Variants in RAB31 observed in about 807,000 individuals in gnomAD.
RAB31 encodes the protein RAB31, member RAS oncogene family, also known as ras-related protein Rab-31.
A neutral mutation model predicts 25.6 loss-of-function variants in RAB31; 21 were observed. That is an observed-to-expected ratio of 0.82 (90% CI 0.58 to 1.18). The LOEUF is 1.18. Among genes scored for constraint, RAB31 ranks in the 50% most tolerant of loss-of-function variants. RAB31 has a pLI of 0.00. For synonymous variants in RAB31, 87 were observed against 84.0 expected, an observed-to-expected ratio of 1.04 and a Z score of -0.20; for missense variants, 196 against 250.1, an observed-to-expected ratio of 0.78 and a Z score of 1.46.
At chr18:9,814,850 T>G (rs1222461272) in intron 4 of RAB31, 4 of 283,086 alleles carry the variant, frequency 1.4e-5, no homozygotes, top group Non-Finnish European at 2.7e-5. Context: ...GCTATCATTT[T>G]AAATTAATGT....
intron 3 of RAB31, among the ~76,000 whole-genome samples, chr18:9,808,538 G>A (rs2068553903): frequency 6.6e-6 from 1 of 152,220 alleles, no homozygotes; most frequent in South Asian, 2.1e-4. Flanking sequence ...ATTCAGTAAT[G>A]TGTTTTTCCA....
At chr18:9,760,010 C>T (rs34339697) in intron 1 of RAB31, among the ~76,000 whole-genome samples, 27,701 of 151,902 alleles carry the variant, frequency 0.18, 2,666 homozygotes, top group South Asian at 0.22. Context: ...TGTTTCTTGC[C>T]TTGCGTTGAA....
At chr18:9,800,799 T>TA (rs961900479) in intron 3 of RAB31, among the ~76,000 whole-genome samples, 4 of 152,186 alleles carry the variant, frequency 2.6e-5, no homozygotes, top group African/African-American at 9.7e-5. Flanking sequence ...TTTTTTTATT[T>TA]AAAAACAGCT....
intron 1 of RAB31, among the ~76,000 whole-genome samples, chr18:9,741,548 C>T (rs1218949960): frequency 1.3e-5 from 2 of 152,138 alleles, no homozygotes; most frequent in Non-Finnish European, 2.9e-5. Context: ...GCCAGCCACG[C>T]ACCATCTGTC....
chr18:9,820,376 T>C (rs2068618800), intron 5 of RAB31, among the ~76,000 whole-genome samples: 1 of 152,094 alleles, frequency 6.6e-6, no homozygotes, highest in South Asian at 2.1e-4. Context: ...GCATAATCCT[T>C]TTTATACATT....
At chr18:9,777,676 TGGA>T (rs1214819479) in intron 2 of RAB31, among the ~76,000 whole-genome samples, 1 of 152,002 alleles carries the variant, frequency 6.6e-6, no homozygotes, top group Non-Finnish European at 1.5e-5. Flanking sequence ...TTCCAGAAGA[TGGA>T]GGAGAGATTT....
intron 1 of RAB31, among the ~76,000 whole-genome samples, chr18:9,745,155 A>T (rs2068199225): frequency 6.6e-6 from 1 of 152,258 alleles, no homozygotes; most frequent in Non-Finnish European, 1.5e-5. Flanking sequence ...GAAAAAGATT[A>T]TAAGAGAATA....
chr18:9,742,699 C>T (rs534822991), intron 1 of RAB31, among the ~76,000 whole-genome samples: 29 of 152,286 alleles, frequency 1.9e-4, no homozygotes, highest in African/African-American at 6.0e-4. Context: ...TGAGTGCCCT[C>T]TTTGATGTGG....
At position 9,828,404 on chromosome 18, in the gene RAB31, A is replaced by G. The variant is rs2068660867; in HGVS notation, c.380+13182A>G. ...GTTAAAGAGATCAAACCTATTGGCC[A>G]TCCTCCAAGGAGGCTGTGGGAGCCG... On this transcript the variant is annotated intron_variant, in intron 5 of 6. Transcript: ENST00000578921. Among the ~76,000 whole-genome samples, 3 of 152,136 alleles carry G rather than the reference A, an allele frequency of 2.0e-5. No individual in the cohort carries two copies. The South Asian group carries it at 6.2e-4, about 31-fold the overall frequency.
rs1261711375 is a variant in RAB31 at position 9,708,691 on chromosome 18, C to G, written c.39+247C>G. Among the ~76,000 whole-genome samples, 4 of 152,084 alleles carry G rather than the reference C, an allele frequency of 2.6e-5. No individual in the cohort carries two copies. The South Asian group carries it at 8.3e-4, about 32-fold the overall frequency. On this transcript the variant is annotated intron_variant, in intron 1 of 6. Transcript: ENST00000578921. This position sits in a 1 kb window ranked among gnomAD's most constrained non-coding sequence, Gnocchi z 6.4. The stretch of plus-strand genomic sequence containing the variant: ...GCCTGTTCTCCGCCTCCCCGCCGTC[C>G]GTGCGCCCCTCTGGTCCGCCCCCGC...
At chr18:9,769,558 A>C (rs912604164) in intron 1 of RAB31, among the ~76,000 whole-genome samples, 8 of 152,244 alleles carry the variant, frequency 5.3e-5, no homozygotes, top group Non-Finnish European at 1.0e-4. Context: ...ACTTTGCTGA[A>C]GTTGCTTATC....
chr18:9,760,748 GC>G (rs1253753762), intron 1 of RAB31, among the ~76,000 whole-genome samples: 1 of 152,160 alleles, frequency 6.6e-6, no homozygotes, highest in Non-Finnish European at 1.5e-5. Context: ...AGTTCCCAAG[GC>G]CCCCGCTAAG....
chr18:9,731,245 GCT>G (rs553940210), intron 1 of RAB31, among the ~76,000 whole-genome samples: 152 of 152,292 alleles, frequency 1.0e-3, no homozygotes, highest in African/African-American at 3.5e-3. Flanking sequence ...CTACAAGCTG[GCT>G]CTTTTATTTT....
At chr18:9,727,223 C>T (rs946739141) in intron 1 of RAB31, among the ~76,000 whole-genome samples, 2 of 152,156 alleles carry the variant, frequency 1.3e-5, no homozygotes, top group Non-Finnish European at 2.9e-5. Flanking sequence ...GATAATAGCA[C>T]TTTCTCTGTT....
At position 9,767,284 on chromosome 18, in the gene RAB31, T is replaced by G. The variant is rs182737809; in HGVS notation, c.40-7994T>G. Among the ~76,000 whole-genome samples, 598 of 152,374 alleles carry G rather than the reference T, an allele frequency of 3.9e-3. 5 individuals carry two copies. The highest frequency in any genetic ancestry group is 0.02 in the Middle Eastern group (6 of 294). ...TTTTTGTGCTTAGTTTTTTTTCTTA[T>G]TTAACTACATTCTGAGGAATGGAAT... On this transcript the variant is annotated intron_variant, in intron 1 of 6. Coordinates refer to ENST00000578921, the MANE Select transcript of RAB31 (RefSeq NM_006868.4).
rs2067998078 is a variant in RAB31 at position 9,708,534 on chromosome 18, A to T, written c.39+90A>T. On this transcript the variant is annotated intron_variant, in intron 1 of 6. Transcript: ENST00000578921. This position sits in a 1 kb window ranked among gnomAD's most constrained non-coding sequence, Gnocchi z 6.4. Reference sequence around the variant, plus strand: ...ATTCCCTGCGCGCTCAGTCCCCGTGATCCCCTCGCTCTCCGCACCCCTCTC... The same window carrying T: ...ATTCCCTGCGCGCTCAGTCCCCGTGTTCCCCTCGCTCTCCGCACCCCTCTC... The T allele has an allele frequency of 1.7e-6, 2 of 1,156,506 alleles. No homozygotes were observed. The allele number at this position is 1,156,506 out of a possible 1,614,324, so 71.6% of individuals were successfully genotyped here.
chr18:9,708,366 A>G lies in RAB31; in HGVS notation c.-40A>G. 4 of 1,483,062 alleles carry G rather than the reference A, an allele frequency of 2.7e-6. No homozygotes were observed. The highest frequency in any genetic ancestry group is 3.6e-6 in the Non-Finnish European group (4 of 1,108,856). The allele number at this position is 1,483,062 out of a possible 1,614,324, so 91.9% of individuals were successfully genotyped here. A position where few individuals can be genotyped will look rare whatever the true frequency, so the allele number is the denominator to read the frequency against. ...CGGGGCGCGGGCGCGGCGGCCCCGG[A>G]GGATGCTGCTGAGCCCCGGCACTGC... On this transcript the variant is annotated 5_prime_UTR_variant, in exon 1 of 7. Transcript: ENST00000578921. The surrounding 1 kb of genome is among the most constrained non-coding windows in gnomAD (Gnocchi z 6.4).
chr18:9,771,430 G>A (rs1042544442), intron 1 of RAB31, among the ~76,000 whole-genome samples: 1 of 152,176 alleles, frequency 6.6e-6, no homozygotes, highest in South Asian at 2.1e-4. Context: ...CTAAAGACAG[G>A]CCTCTCTGAT....
intron 5 of RAB31, among the ~76,000 whole-genome samples, chr18:9,838,768 G>T (rs2068717683): frequency 6.6e-6 from 1 of 152,190 alleles, no homozygotes. Context: ...TGGAATACAG[G>T]CTGGTTAACA....
Sources: allele counts gnomAD v4.1 joint callset (sites outside exome capture counted in the v4.1 genomes callset), GRCh38; gene constraint gnomAD v4.1.1; non-coding constraint Gnocchi (gnomAD v3.1); transcripts MANE v1.5; gene names NCBI Gene and HGNC (gene_info 2026-07-23, HGNC 2026-07-21).